STARD13: variants seen among roughly 807,000 people sequenced by gnomAD.
STARD13 encodes StAR related lipid transfer domain containing 13.
STARD13 carries 62 observed loss-of-function variants against 106.4 expected under a neutral mutation model. That is an observed-to-expected ratio of 0.58 (90% CI 0.48 to 0.72). The LOEUF is 0.72. STARD13 is among the 30% of genes least tolerant of loss of function. The probability of loss-of-function intolerance (pLI) is 0.00; values close to 1 mark genes in which losing one functional copy is unlikely to be tolerated. For missense variants in STARD13, 1,387 were observed against 1,424.0 expected (o/e 0.97, Z 0.42); for synonymous variants, 565 against 553.0 (o/e 1.02, Z -0.31).
At chr13:33,180,754 T>C (rs1363702348) in intron 1 of STARD13, among the ~76,000 whole-genome samples, 2 of 152,216 alleles carry the variant, frequency 1.3e-5, no homozygotes, top group African/African-American at 4.8e-5. Context: ...AATACTTAAA[T>C]ACATTTACAT....
chr13:33,351,432 T>G (rs2078078226), upstream of STARD13, among the ~76,000 whole-genome samples: 1 of 152,214 alleles, frequency 6.6e-6, no homozygotes, highest in African/African-American at 2.4e-5. Context: ...GTATTGGCTC[T>G]TTAAGAAATA....
chr13:33,296,423 C>T (rs1374894281), intron 1 of STARD13, among the ~76,000 whole-genome samples: 1 of 43,922 alleles, frequency 2.3e-5, no homozygotes, highest in African/African-American at 6.9e-5. Context: ...TACAACACCT[C>T]ACATAGTGAC....
chr13:33,458,330 T>C, the STARD13 span, among the ~76,000 whole-genome samples: 25 of 151,586 alleles, frequency 1.6e-4, no homozygotes, highest in Middle Eastern at 3.4e-3. Context: ...TGGAGTGCAG[T>C]GGCTCAATCT....
chr13:33,135,888 C>G (rs495297), intron 4 of STARD13, among the ~76,000 whole-genome samples: 1 of 151,748 alleles, frequency 6.6e-6, no homozygotes, highest in Non-Finnish European at 1.5e-5. Flanking sequence ...TTTGGAAGGC[C>G]GAGGCGAACA....
the STARD13 span, among the ~76,000 whole-genome samples, chr13:33,494,916 G>A: frequency 1.3e-5 from 2 of 151,876 alleles, no homozygotes; most frequent in Non-Finnish European, 2.9e-5. Flanking sequence ...AAACAAATGC[G>A]CCCCCAAAAG....
chr13:33,424,313 G>A, the STARD13 span, among the ~76,000 whole-genome samples: 1 of 152,062 alleles, frequency 6.6e-6, no homozygotes, highest in Admixed American at 6.6e-5. Flanking sequence ...GATCTTCAGG[G>A]AAATTTTTAC....
chr13:33,147,961 G>A (rs78561147), intron 3 of STARD13, among the ~76,000 whole-genome samples: 4,914 of 152,254 alleles, frequency 0.032, 272 homozygotes, highest in African/African-American at 0.11. Context: ...AAGGCAATAC[G>A]ATGGATAAAA....
At chr13:33,305,108 T>C (rs2138477865) in intron 1 of STARD13, among the ~76,000 whole-genome samples, 1 of 152,330 alleles carries the variant, frequency 6.6e-6, no homozygotes, top group East Asian at 1.9e-4. Context: ...CCCAGGCTAG[T>C]CTTGAACACC....
chr13:33,532,397 G>C, the STARD13 span, among the ~76,000 whole-genome samples: 3 of 152,132 alleles, frequency 2.0e-5, no homozygotes, highest in Non-Finnish European at 4.4e-5. Context: ...TTGTGGTAGA[G>C]TGTCTTGATA....
chr13:33,519,697 T>C, the STARD13 span, among the ~76,000 whole-genome samples: 101 of 152,240 alleles, frequency 6.6e-4, 1 homozygote, highest in South Asian at 0.019. Context: ...GAAAGCATCG[T>C]TGATGGTTAA....
chr13:33,160,135 T>C (rs1882448828), intron 3 of STARD13, among the ~76,000 whole-genome samples: 1 of 151,970 alleles, frequency 6.6e-6, no homozygotes, highest in Non-Finnish European at 1.5e-5. Flanking sequence ...CATAGATAAA[T>C]GGGGGCAGAA....
chr13:33,286,309 A>G (rs1892056811), upstream of STARD13, among the ~76,000 whole-genome samples: 2 of 152,184 alleles, frequency 1.3e-5, no homozygotes, highest in African/African-American at 4.8e-5. Context: ...AATACACCAC[A>G]GATCCTGACC....
the STARD13 span, among the ~76,000 whole-genome samples, chr13:33,439,327 C>A: frequency 4.6e-5 from 7 of 152,210 alleles, no homozygotes; most frequent in African/African-American, 1.7e-4. Flanking sequence ...TTTCAAGAGG[C>A]CTTACCTTCG....
intron 1 of STARD13, among the ~76,000 whole-genome samples, chr13:33,314,136 T>G (rs759101099): frequency 7.2e-5 from 11 of 152,038 alleles, no homozygotes; most frequent in Non-Finnish European, 1.3e-4. Context: ...GGAATACCGG[T>G]AAGGGCTGGC....
the STARD13 span, among the ~76,000 whole-genome samples, chr13:33,397,624 T>TCCTG: frequency 3.9e-5 from 6 of 152,314 alleles, no homozygotes; most frequent in African/African-American, 1.4e-4. Context: ...CTGACAGAGA[T>TCCTG]GTAGCTTTCT....
chr13:33,190,482 A>C (rs1886165507), intron 1 of STARD13, among the ~76,000 whole-genome samples: 1 of 152,160 alleles, frequency 6.6e-6, no homozygotes. Context: ...CAAAACCCCA[A>C]GGGTTTTTAA....
chr13:33,499,603 CTTTCTTCTTCTTCTTCTT>C, the STARD13 span, among the ~76,000 whole-genome samples: 30 of 47,298 alleles, frequency 6.3e-4, no homozygotes, highest in South Asian at 6.6e-3. Flanking sequence ...TCTTCTTCTT[CTTTCTTCTTCTTCTTCTT>C]CTTCTTCTTC....
intron 1 of STARD13, among the ~76,000 whole-genome samples, chr13:33,210,955 A>G (rs1594111300): frequency 1.3e-5 from 2 of 152,336 alleles, no homozygotes; most frequent in South Asian, 4.1e-4. Flanking sequence ...TTGGATACCA[A>G]GAAATTCACC....
At chr13:33,503,329 C>G in the STARD13 span, among the ~76,000 whole-genome samples, 1 of 152,116 alleles carries the variant, frequency 6.6e-6, no homozygotes, top group African/African-American at 2.4e-5. Flanking sequence ...TTTCAAAAAA[C>G]CAGCTCCTGG....
Sources: allele counts gnomAD v4.1 joint callset (sites outside exome capture counted in the v4.1 genomes callset), GRCh38; gene constraint gnomAD v4.1.1; transcripts MANE v1.5; gene names NCBI Gene and HGNC (gene_info 2026-07-23, HGNC 2026-07-21).